The following MAP3K21 variants were observed in gnomAD, a reference collection of about 807,000 sequenced individuals.
MAP3K21 encodes mitogen-activated protein kinase kinase kinase MLK4.
Under a neutral mutation model 86.1 loss-of-function variants are expected in MAP3K21, and 63 were observed. The ratio of observed to expected loss-of-function variants is 0.73; its 90% CI spans 0.60 to 0.90. MAP3K21 has a LOEUF of 0.90. MAP3K21 is among the 40% of genes least tolerant of loss of function. MAP3K21 has a pLI of 0.00. For missense variants in MAP3K21, 1,220 were observed against 1,367.7 expected, an observed-to-expected ratio of 0.89 and a Z score of 1.70; for synonymous variants, 558 against 564.8, an observed-to-expected ratio of 0.99 and a Z score of 0.17.
At chr1:233,351,932 A>T (rs1287392577) in intron 2 of MAP3K21, among the ~76,000 whole-genome samples, 1 of 152,200 alleles carries the variant, frequency 6.6e-6, no homozygotes, top group Admixed American at 6.5e-5. Context: ...TCTGCCACCC[A>T]TGCTGGACTG....
chr1:233,381,679 T>G (rs1398204976), intron 9 of MAP3K21, among the ~76,000 whole-genome samples: 1 of 152,198 alleles, frequency 6.6e-6, no homozygotes, highest in Non-Finnish European at 1.5e-5. Flanking sequence ...CAAGGAGAAA[T>G]TCTAGCACAG....
Position 233,376,523 on chromosome 1 carries a change from G to C in MAP3K21, c.1920G>C (p.Gln640His). ...TMPLASLFVD[Q>H]PGSCEEPKLS... ...CCTTGGCTTCATTGTTTGTGGACCA[G>C]CCAGGTAAATGTGTTTCAGGAGGTA... Residue 640 changes from glutamine (Q) to histidine (H), a missense_variant, in exon 8 of 10, where the codon CAG becomes CAC. Around this residue, in one of 5 missense-constraint regions of MAP3K21, gnomAD observed 632 missense variants for 691.3 expected, o/e 0.91. Transcript: ENST00000366624. 6.2e-7 allele frequency: 1 copy of C among 1,609,220 alleles called. No homozygotes were observed. The highest frequency in any genetic ancestry group is 8.5e-7 in the Non-Finnish European group (1 of 1,176,248).
At chr1:233,375,663 G>A (rs747611273) in intron 6 of MAP3K21, 6 of 485,718 alleles carry the variant, frequency 1.2e-5, no homozygotes, top group Non-Finnish European at 2.1e-5. Flanking sequence ...AGATTAAAAA[G>A]TAATCAAATC....
intron 2 of MAP3K21, among the ~76,000 whole-genome samples, chr1:233,352,269 G>T (rs1196249511): frequency 1.3e-5 from 2 of 152,144 alleles, no homozygotes; most frequent in South Asian, 4.1e-4. Flanking sequence ...GTGGTGATCG[G>T]ATCAGGGTAA....
At chr1:233,364,933 A>C (rs1374230322) in intron 5 of MAP3K21, among the ~76,000 whole-genome samples, 1 of 152,172 alleles carries the variant, frequency 6.6e-6, no homozygotes, top group South Asian at 2.1e-4. Flanking sequence ...TAATACTGGT[A>C]CCAATATGGA....
In MAP3K21 at chr1:233,376,030, C is replaced by G. The variant is rs34984140; in HGVS notation, c.1790C>G (p.Ser597Cys). 1 of 1,608,458 alleles carries G rather than the reference C, an allele frequency of 6.2e-7. No individual in the cohort carries two copies. The highest frequency in any genetic ancestry group is 2.2e-5 in the East Asian group (1 of 44,706). ...KKKGCTWGPN[S>C]IQMKDRTDCK... ...AAAGGTTGTACCTGGGGACCAAATT[C>G]CATTCAAATGAAAGATAGAACAGAT... Residue 597 changes from serine (S) to cysteine (C), a missense_variant, in exon 7 of 10, where the codon TCC becomes TGC. Physicochemically the swap from Ser to Cys is moderately radical, Grantham distance 112. This residue lies in a region of MAP3K21 where 632 missense variants were observed against 691.3 expected (regional missense o/e 0.91). Coordinates refer to ENST00000366624, the MANE Select transcript of MAP3K21 (RefSeq NM_032435.3).
chr1:233,339,280 T>TTCTTCTTCCTGTTCTTCTTCC (rs1662979857), intron 1 of MAP3K21, among the ~76,000 whole-genome samples: 2 of 50,402 alleles, frequency 4.0e-5, no homozygotes, highest in Admixed American at 4.4e-4. Flanking sequence ...CTTCTTCTTC[T>TTCTTCTTCCTGTTCTTCTTCC]TCTTCTTCTT....
In MAP3K21 at chr1:233,365,209, G is replaced by T. The variant is rs140859412; in HGVS notation, c.1552+2916G>T. Among the ~76,000 whole-genome samples, 4 of 152,154 alleles carry T rather than the reference G, an allele frequency of 2.6e-5. No individual in the cohort carries two copies. In the East Asian group the frequency reaches 7.7e-4, roughly 29 times the overall value. On this transcript the variant is annotated intron_variant, in intron 5 of 9. Coordinates refer to ENST00000366624, the MANE Select transcript of MAP3K21 (RefSeq NM_032435.3). ...ATAGGGGAAACAATTCAGGACATGG[G>T]CCTAGGCAAAAATTTTATGACTTAA...
Position 233,327,984 on chromosome 1 carries a change from G to T in MAP3K21, c.-45G>T. 1 of 1,240,764 alleles carries T rather than the reference G, an allele frequency of 8.1e-7. No homozygotes were observed. Among genetic ancestry groups the T allele is most frequent in the Non-Finnish European group, 1.0e-6 (1 of 993,680 alleles). The allele number at this position is 1,240,764 out of a possible 1,614,324, so 76.9% of individuals were successfully genotyped here. A position where few individuals can be genotyped will look rare whatever the true frequency, so the allele number is the denominator to read the frequency against. ...ATGCGCGCCCGCGGCCGCCCGGGAG[G>T]CTGAGCCCAGCTTCCCGCTCCGCCT... On this transcript the variant is annotated 5_prime_UTR_variant, in exon 1 of 10. Coordinates refer to ENST00000366624, the MANE Select transcript of MAP3K21 (RefSeq NM_032435.3).
intron 1 of MAP3K21, among the ~76,000 whole-genome samples, chr1:233,339,258 CTTCTTCTTCCTCTTCT>C (rs1558450813): frequency 4.2e-5 from 2 of 47,294 alleles, no homozygotes; most frequent in African/African-American, 8.9e-5. Context: ...TCTTCTTCTT[CTTCTTCTTCCTCTTCT>C]TCTTCTTCTT....
intron 5 of MAP3K21, among the ~76,000 whole-genome samples, chr1:233,362,765 C>A (rs544585343): frequency 6.6e-6 from 1 of 151,942 alleles, no homozygotes; most frequent in African/African-American, 2.4e-5. Flanking sequence ...TATCAAGTAC[C>A]CTGAGGTACT....
chr1:233,368,432 T>A (rs1313141954), intron 5 of MAP3K21, among the ~76,000 whole-genome samples: 1 of 152,036 alleles, frequency 6.6e-6, no homozygotes, highest in Non-Finnish European at 1.5e-5. Flanking sequence ...GGCAGGTGGA[T>A]TGCTTGAGCC....
intron 2 of MAP3K21, among the ~76,000 whole-genome samples, chr1:233,351,390 G>A (rs1350268982): frequency 1.3e-5 from 2 of 152,118 alleles, no homozygotes; most frequent in East Asian, 3.8e-4. Context: ...GTTCACTGAA[G>A]ATCAGCTTTA....
In MAP3K21 at chr1:233,328,885, G is replaced by T. The variant is rs145352331; in HGVS notation, c.805+52G>T. 494 of 1,410,548 alleles carry T rather than the reference G, an allele frequency of 3.5e-4. 1 individual carries two copies. The African/African-American group carries it at 6.6e-3, about 19-fold the overall frequency. 87.4% of individuals were successfully genotyped at this position (1,410,548 alleles called of 1,614,324 possible). On this transcript the variant is annotated intron_variant, in intron 1 of 9. Transcript: ENST00000366624. This position sits in a 1 kb window ranked among gnomAD's most constrained non-coding sequence, Gnocchi z 8.7. ...GAAGACTACCTCCGTGCCAGCCCAG[G>T]CGGGCTCCACAGGACATAGTACCAG...
At chr1:233,358,977 T>C (rs1431251919) in intron 4 of MAP3K21, among the ~76,000 whole-genome samples, 1 of 151,208 alleles carries the variant, frequency 6.6e-6, no homozygotes, top group African/African-American at 2.4e-5. Flanking sequence ...ACCCGGCTAA[T>C]TTTTTTTGTA....
chr1:233,376,167 TAG>T (rs35806537), intron 7 of MAP3K21, 101 bp downstream of exon 7: 2 of 975,820 alleles, frequency 2.0e-6, no homozygotes, highest in Admixed American at 2.6e-5. Flanking sequence ...AGTAAATTAA[TAG>T]AGAGATTTAT....
In MAP3K21 at chr1:233,379,479, G is replaced by A; in HGVS notation, c.2473G>A (p.Ala825Thr). ...MDSEDPLVDS[A>T]PVTCDSEMLT... ...CAGTGAAGATCCACTGGTGGACAGT[G>A]CACCTGTCACTTGTGACTCTGAGAT... Residue 825 changes from alanine to threonine, a missense_variant, in exon 9 of 10, where the codon GCA becomes ACA. Around this residue, in one of 5 missense-constraint regions of MAP3K21, gnomAD observed 632 missense variants for 691.3 expected, o/e 0.91. Transcript: ENST00000366624. 6.2e-7 allele frequency: 1 copy of A among 1,614,154 alleles called. No homozygotes were observed. The highest frequency in any genetic ancestry group is 1.3e-5 in the African/African-American group (1 of 75,036).
chr1:233,370,758 G>A (rs1663665172), intron 5 of MAP3K21, among the ~76,000 whole-genome samples: 1 of 152,186 alleles, frequency 6.6e-6, no homozygotes, highest in African/African-American at 2.4e-5. Flanking sequence ...ATTAATAGAG[G>A]AATGCAGGAT....
chr1:233,372,495 G>A (rs182153270), intron 6 of MAP3K21: 1 of 338,340 alleles, frequency 3.0e-6, no homozygotes, highest in African/African-American at 2.1e-5. Context: ...TTTGTGTCAG[G>A]GTACTTTGAA....
Sources: allele counts gnomAD v4.1 joint callset (sites outside exome capture counted in the v4.1 genomes callset), GRCh38; gene constraint gnomAD v4.1.1; regional missense constraint gnomAD v4.1.1; non-coding constraint Gnocchi (gnomAD v3.1); transcripts MANE v1.5; gene names NCBI Gene and HGNC (gene_info 2026-07-23, HGNC 2026-07-21).